PTPRD: variants seen among roughly 807,000 people sequenced by gnomAD.
PTPRD encodes the protein protein tyrosine phosphatase receptor type D.
In PTPRD, 34 loss-of-function variants were observed where a neutral mutation model predicts 214.5. The observed-to-expected ratio is 0.16, with a 90% CI of 0.12 to 0.21. The LOEUF is 0.21. Among genes scored for constraint, PTPRD ranks in the 10% least tolerant of loss-of-function variants. PTPRD has a pLI of 1.00. For synonymous variants in PTPRD, 1,128 were observed against 845.7 expected, an observed-to-expected ratio of 1.33 and a Z score of -5.79; for missense variants, 2,545 against 2,398.7, an observed-to-expected ratio of 1.06 and a Z score of -1.27.
intron 3 of PTPRD, among the ~76,000 whole-genome samples, chr9:10,134,373 T>C (rs2098926449): frequency 6.6e-6 from 1 of 152,124 alleles, no homozygotes; most frequent in Non-Finnish European, 1.5e-5. Context: ...ATGAACTTAA[T>C]AAGGGGTTCA....
chr9:8,336,495 G>A (rs1376679478), intron 43 of PTPRD, among the ~76,000 whole-genome samples: 75 of 82,048 alleles, frequency 9.1e-4, no homozygotes, highest in Non-Finnish European at 1.7e-3. Context: ...AAAACCCCTA[G>A]AAGAAAACCT....
rs544866758 is a variant in PTPRD at position 10,171,382 on chromosome 9, G to C, written c.-544-137592C>G. 2.6e-5 allele frequency among the ~76,000 whole-genome samples: 4 copies of C among 151,830 alleles called. No homozygotes were observed. The South Asian group carries it at 8.3e-4, about 32-fold the overall frequency. On this transcript the variant is annotated intron_variant, in intron 3 of 45. Transcript: ENST00000381196. ...TGGTTTTATAAGGAGAAACCCTTTCGCTTGGCTCTCATTCTCTCTTGCCAC... is the reference window on the plus strand; with the variant it reads ...TGGTTTTATAAGGAGAAACCCTTTCCCTTGGCTCTCATTCTCTCTTGCCAC...
chr9:9,270,577 G>A (rs1474662331), intron 9 of PTPRD, among the ~76,000 whole-genome samples: 2 of 151,246 alleles, frequency 1.3e-5, no homozygotes, highest in African/African-American at 2.4e-5. Flanking sequence ...GGTGAGTTAG[G>A]AAAGATCAGG....
In PTPRD at chr9:9,699,461, T is replaced by C. The variant is rs530691329; in HGVS notation, c.-287+35072A>G. 1.1e-4 allele frequency among the ~76,000 whole-genome samples: 17 copies of C among 152,308 alleles called. No homozygotes were observed. The South Asian group carries it at 3.3e-3, about 30-fold the overall frequency. On this transcript the variant is annotated intron_variant, in intron 7 of 45. Transcript: ENST00000381196. ...GCCTGAATTGTAATATTAGGGTCTT[T>C]GGTGCCACATTCTCAGAGCACAGGG...
At chr9:9,545,018 T>G (rs1425322902) in intron 8 of PTPRD, among the ~76,000 whole-genome samples, 2 of 151,694 alleles carry the variant, frequency 1.3e-5, no homozygotes, top group Non-Finnish European at 3.0e-5. Context: ...CACAGCAAAA[T>G]TGAGAGGAAA....
At chr9:9,209,931 T>C (rs2099947439) in intron 9 of PTPRD, among the ~76,000 whole-genome samples, 2 of 152,236 alleles carry the variant, frequency 1.3e-5, no homozygotes, top group South Asian at 4.1e-4. Flanking sequence ...CATATTTTCA[T>C]TGGTTCCTCC....
At chr9:9,583,807 C>T (rs2091361876) in intron 7 of PTPRD, among the ~76,000 whole-genome samples, 2 of 152,010 alleles carry the variant, frequency 1.3e-5, no homozygotes, top group African/African-American at 4.8e-5. Context: ...CTTATAGTTG[C>T]CATTATGACT....
At chr9:9,646,774 A>C (rs2096195638) in intron 7 of PTPRD, among the ~76,000 whole-genome samples, 1 of 152,152 alleles carries the variant, frequency 6.6e-6, no homozygotes, top group Non-Finnish European at 1.5e-5. Flanking sequence ...ATCTATAATA[A>C]AGTTTAAAAT....
At chr9:10,232,840 A>G (rs1261242143) in intron 3 of PTPRD, among the ~76,000 whole-genome samples, 1 of 151,998 alleles carries the variant, frequency 6.6e-6, no homozygotes, top group African/African-American at 2.4e-5. Flanking sequence ...AACCTTTTCC[A>G]TTTGATCTTA....
chr9:9,001,829 C>G (rs1447643953), intron 11 of PTPRD, among the ~76,000 whole-genome samples: 1 of 151,972 alleles, frequency 6.6e-6, no homozygotes, highest in Non-Finnish European at 1.5e-5. Context: ...TCATGCCATC[C>G]TAAATAAAGT....
intron 11 of PTPRD, among the ~76,000 whole-genome samples, chr9:8,821,788 C>G (rs2154526878): frequency 6.6e-6 from 1 of 152,294 alleles, no homozygotes; most frequent in Non-Finnish European, 1.5e-5. Context: ...CCTCAGCCTC[C>G]CGAGTAGCTG....
chr9:10,168,966 C>T (rs576193561), intron 3 of PTPRD, among the ~76,000 whole-genome samples: 1 of 152,096 alleles, frequency 6.6e-6, no homozygotes, highest in African/African-American at 2.4e-5. Flanking sequence ...AGGAGCCAAT[C>T]CACCTGTCAG....
chr9:9,235,065 T>G (rs758918150), intron 9 of PTPRD, among the ~76,000 whole-genome samples: 1 of 152,204 alleles, frequency 6.6e-6, no homozygotes, highest in Non-Finnish European at 1.5e-5. Flanking sequence ...TTTAATTGAC[T>G]CACAGTTCCA....
intron 3 of PTPRD, among the ~76,000 whole-genome samples, chr9:10,092,632 G>C (rs1485922604): frequency 3.3e-5 from 5 of 151,292 alleles, no homozygotes; most frequent in Non-Finnish European, 1.5e-5. Context: ...TCAAAAAAGA[G>C]CCCAAATAGC....
chr9:8,595,725 G>C (rs76898979), intron 14 of PTPRD, among the ~76,000 whole-genome samples: 3,060 of 152,256 alleles, frequency 0.02, 119 homozygotes, highest in East Asian at 0.089. Context: ...TAAGTTTACT[G>C]TATTGGAGGT....
rs1458732674 is a variant in PTPRD at position 10,111,309 on chromosome 9, G to A, written c.-544-77519C>T. Among the ~76,000 whole-genome samples the A allele has an allele frequency of 1.8e-4, 23 of 130,180 alleles. 2 individuals are homozygous for A. Among genetic ancestry groups the A allele is most frequent in the Admixed American group, 6.5e-4 (7 of 10,778 alleles). The allele number at this position is 130,180 out of a possible 152,430, so 85.4% of individuals were successfully genotyped here. A position where few individuals can be genotyped will look rare whatever the true frequency, so the allele number is the denominator to read the frequency against. ...GCTGGAGTGCAGTGGCGGGATCTCG[G>A]CTCACTGCAAGCTCCGCCTCCTGGG... On this transcript the variant is annotated intron_variant, in intron 3 of 45. Coordinates refer to ENST00000381196, the MANE Select transcript of PTPRD (RefSeq NM_002839.4).
intron 4 of PTPRD, among the ~76,000 whole-genome samples, chr9:9,993,141 G>A (rs1485861163): frequency 6.6e-6 from 1 of 152,114 alleles, no homozygotes; most frequent in Non-Finnish European, 1.5e-5. Context: ...TCACTAGTAT[G>A]AGTTGGCAAA....
At chr9:8,824,202 A>G (rs952677737) in intron 11 of PTPRD, among the ~76,000 whole-genome samples, 1 of 152,168 alleles carries the variant, frequency 6.6e-6, no homozygotes, top group Admixed American at 6.5e-5. Context: ...TCGTCTGGGA[A>G]TGCAGCCCAG....
intron 9 of PTPRD, among the ~76,000 whole-genome samples, chr9:9,253,846 A>G (rs1162965206): frequency 2.0e-5 from 3 of 152,118 alleles, no homozygotes; most frequent in Admixed American, 6.6e-5. Context: ...TCTGTTCCAG[A>G]GGCCAGAAGT....
Sources: gnomAD v4.1 joint callset for allele counts (sites outside exome capture counted in the v4.1 genomes callset) on GRCh38, gnomAD v4.1.1 for gene constraint, MANE v1.5 for transcripts, NCBI Gene and HGNC (gene_info 2026-07-23, HGNC 2026-07-21) for gene names.